Variants in KCNMB2 observed in about 807,000 individuals in gnomAD.
KCNMB2 encodes the protein potassium calcium-activated channel subfamily M regulatory beta subunit 2.
A neutral mutation model predicts 24.5 loss-of-function variants in KCNMB2; 9 were observed. That is an observed-to-expected ratio of 0.37 (90% CI 0.22 to 0.64). The LOEUF is 0.64. Ranked by LOEUF, KCNMB2 falls within the 30% of genes least tolerant of loss-of-function variation. KCNMB2 has a pLI of 0.63. For synonymous variants in KCNMB2, 109 were observed against 104.4 expected, an observed-to-expected ratio of 1.04 and a Z score of -0.27; for missense variants, 226 against 284.3, an observed-to-expected ratio of 0.79 and a Z score of 1.47.
chr3:178,821,239 A>T (rs1714613650), intron 2 of KCNMB2, among the ~76,000 whole-genome samples: 1 of 152,214 alleles, frequency 6.6e-6, no homozygotes, highest in Non-Finnish European at 1.5e-5. Context: ...GTTAATACTT[A>T]CATGGTAACT....
chr3:178,655,095 C>CCTCTCTCCCTCTCT (rs1720276753), intron 1 of KCNMB2, among the ~76,000 whole-genome samples: 1 of 111,086 alleles, frequency 9.0e-6, no homozygotes, highest in African/African-American at 3.5e-5. Flanking sequence ...ATTAGCTCTC[C>CCTCTCTCCCTCTCT]CTCTCTCTCT....
At chr3:178,779,124 G>C (rs1712718045) in intron 1 of KCNMB2, among the ~76,000 whole-genome samples, 1 of 152,174 alleles carries the variant, frequency 6.6e-6, no homozygotes, top group South Asian at 2.1e-4. Context: ...TTCACAGTGG[G>C]TTATTCTCCA....
intron 1 of KCNMB2, among the ~76,000 whole-genome samples, chr3:178,608,051 C>T (rs1037327194): frequency 2.0e-5 from 3 of 152,092 alleles, no homozygotes; most frequent in African/African-American, 7.2e-5. Flanking sequence ...CAGAAATATA[C>T]ATGAGAGGAA....
rs533914486 is a variant in KCNMB2 at position 178,778,309 on chromosome 3, A to T, written c.-67-29034A>T. Among the ~76,000 whole-genome samples, 43 of 152,256 alleles carry T rather than the reference A, an allele frequency of 2.8e-4. No homozygotes were observed. In the South Asian group the frequency reaches 8.3e-3, roughly 29 times the overall value. ...TCAGTCGAATTCCTACTATGTACCA[A>T]TAATAATTCTATTTTAAAAATAAAA... On this transcript the variant is annotated intron_variant, in intron 1 of 4. Transcript: ENST00000452583.
chr3:178,819,160 A>G (rs1424395034), intron 2 of KCNMB2, among the ~76,000 whole-genome samples: 1 of 152,052 alleles, frequency 6.6e-6, no homozygotes, highest in Non-Finnish European at 1.5e-5. Flanking sequence ...TCTACCATCG[A>G]TCCACTGACT....
At chr3:178,644,410 C>T (rs77844160) in intron 1 of KCNMB2, among the ~76,000 whole-genome samples, 8,807 of 152,266 alleles carry the variant, frequency 0.058, 372 homozygotes, top group Admixed American at 0.11. Context: ...TCCTCCATGG[C>T]GCCATGTGAT....
rs552465794 is a variant in KCNMB2 at position 178,790,883 on chromosome 3, G to A, written c.-67-16460G>A. Among the ~76,000 whole-genome samples the A allele has an allele frequency of 5.9e-5, 9 of 152,352 alleles. No homozygotes were observed. In the South Asian group the frequency reaches 1.7e-3, roughly 28 times the overall value. The stretch of plus-strand genomic sequence containing the variant: ...AGGTAGTATCTCTACAAGTCTGCAA[G>A]AGCCACAGTGTTACTGGGCTTGAGG... On this transcript the variant is annotated intron_variant, in intron 1 of 4. Coordinates refer to ENST00000452583, the MANE Select transcript of KCNMB2 (RefSeq NM_181361.3).
chr3:178,621,951 T>C (rs1718938861), intron 1 of KCNMB2, among the ~76,000 whole-genome samples: 1 of 152,226 alleles, frequency 6.6e-6, no homozygotes, highest in Admixed American at 6.5e-5. Context: ...AATTGGGTTA[T>C]GATCTTGCCT....
chr3:178,600,380 G>C (rs926969492), intron 1 of KCNMB2, among the ~76,000 whole-genome samples: 1 of 152,164 alleles, frequency 6.6e-6, no homozygotes, highest in South Asian at 2.1e-4. Context: ...GAACATGCGT[G>C]TGCAAATATC....
intron 1 of KCNMB2, among the ~76,000 whole-genome samples, chr3:178,759,216 T>C (rs1342557933): frequency 3.4e-5 from 4 of 118,536 alleles, no homozygotes; most frequent in Non-Finnish European, 5.2e-5. Flanking sequence ...ATATATAATA[T>C]ATCTATCTCC....
intron 1 of KCNMB2, among the ~76,000 whole-genome samples, chr3:178,634,904 C>A (rs765658684): frequency 6.6e-6 from 1 of 151,992 alleles, no homozygotes; most frequent in Non-Finnish European, 1.5e-5. Flanking sequence ...TCATGCCAGG[C>A]CTAGGGTAAA....
At chr3:178,759,691 T>C (rs1263188821) in intron 1 of KCNMB2, among the ~76,000 whole-genome samples, 1 of 108,118 alleles carries the variant, frequency 9.2e-6, no homozygotes, top group South Asian at 2.9e-4. Flanking sequence ...CAAGAGGATA[T>C]ATATACACAT....
At chr3:178,711,482 A>G (rs1489204645) in intron 1 of KCNMB2, among the ~76,000 whole-genome samples, 3 of 152,166 alleles carry the variant, frequency 2.0e-5, no homozygotes, top group Non-Finnish European at 4.4e-5. Flanking sequence ...CCACCAAGAC[A>G]GATTTCTACC....
chr3:178,670,640 T>G (rs1409897677), intron 1 of KCNMB2, among the ~76,000 whole-genome samples: 1 of 152,134 alleles, frequency 6.6e-6, no homozygotes, highest in East Asian at 1.9e-4. Context: ...ATTTTACAGG[T>G]AATAAAACTG....
At chr3:178,805,487 T>C (rs1713929312) in intron 1 of KCNMB2, among the ~76,000 whole-genome samples, 3 of 152,234 alleles carry the variant, frequency 2.0e-5, no homozygotes, top group Admixed American at 2.0e-4. Context: ...TCACTTATTA[T>C]GAGTGCATGC....
chr3:178,586,534 C>CTTTATTTTTTTTTTTTTTTTTTTTTTTT (rs1717436976), intron 1 of KCNMB2, among the ~76,000 whole-genome samples: 1 of 68,510 alleles, frequency 1.5e-5, no homozygotes, highest in South Asian at 5.2e-4. Flanking sequence ...TTTTTTTTTT[C>CTTTATTTTTTTTTTTTTTTTTTTTTTTT]TTTCTTTTTT....
chr3:178,684,363 T>C (rs572576777), intron 1 of KCNMB2, among the ~76,000 whole-genome samples: 92 of 146,124 alleles, frequency 6.3e-4, no homozygotes, highest in African/African-American at 2.1e-3. Flanking sequence ...AATGGGGAGA[T>C]GTAGATTGGA....
At chr3:178,597,085 C>T (rs546525652) in intron 1 of KCNMB2, among the ~76,000 whole-genome samples, 1 of 152,238 alleles carries the variant, frequency 6.6e-6, no homozygotes, top group South Asian at 2.1e-4. Flanking sequence ...CATAAAAGAA[C>T]AGGGTTAGTA....
At chr3:178,629,639 T>C (rs1719243259) in intron 1 of KCNMB2, among the ~76,000 whole-genome samples, 1 of 152,204 alleles carries the variant, frequency 6.6e-6, no homozygotes, top group Non-Finnish European at 1.5e-5. Flanking sequence ...GTACCTCTTA[T>C]AGTAAAAGCT....
Sources: allele counts gnomAD v4.1 joint callset (sites outside exome capture counted in the v4.1 genomes callset), GRCh38; gene constraint gnomAD v4.1.1; transcripts MANE v1.5; gene names NCBI Gene and HGNC (gene_info 2026-07-23, HGNC 2026-07-21).